PASD1: variants seen among roughly 807,000 people sequenced by gnomAD.
The protein encoded by PASD1 is circadian clock protein PASD1.
Under a neutral mutation model 58.8 loss-of-function variants are expected in PASD1, and 13 were observed. The ratio of observed to expected loss-of-function variants is 0.22; its 90% CI spans 0.14 to 0.35. The LOEUF (loss-of-function observed/expected upper bound fraction) is 0.35, where lower values mean the gene tolerates loss of function less well. Among genes scored for constraint, PASD1 ranks in the 10% least tolerant of loss-of-function variants. PASD1 has a pLI of 1.00. For synonymous variants in PASD1, 236 were observed against 216.7 expected (o/e 1.09, Z -0.78); for missense variants, 734 against 568.3 (o/e 1.29, Z -2.96).
At chrX:151,674,285 A>T (rs1027887622) in intron 15 of PASD1, 99 bp downstream of exon 15, 1 of 1,047,799 alleles carries the variant, frequency 9.5e-7, no homozygotes, top group Admixed American at 2.5e-5. Context: ...GCTGTGTGTG[A>T]GAGCCAGACT....
At chrX:151,593,066 T>TTGACTTCCTTTATCATTATGAAATGTCCC in intron 1 of PASD1, among the ~76,000 whole-genome samples, 1 of 110,862 alleles carries the variant, frequency 9.0e-6, no homozygotes, top group Non-Finnish European at 1.9e-5. Context: ...GTTTTCTTGA[T>TTGACTTCCTTTATCATTATGAAATGTCCC]TGACTTCCTT....
intron 11 of PASD1, among the ~76,000 whole-genome samples, chrX:151,670,378 G>A (rs1001351296): frequency 4.5e-5 from 5 of 111,807 alleles, no homozygotes; most frequent in South Asian, 7.4e-4. Flanking sequence ...TCTCCTCTAC[G>A]TGTGACCTGC....
chrX:151,567,090 AAAT>A (rs1331050749), intron 1 of PASD1, among the ~76,000 whole-genome samples: 38 of 99,621 alleles, frequency 3.8e-4, no homozygotes, highest in African/African-American at 1.4e-3. Flanking sequence ...ATAAATAAAT[AAAT>A]AAAATAAAAT....
At chrX:151,651,840 G>T (rs1390284600) in intron 9 of PASD1, among the ~76,000 whole-genome samples, 2 of 111,786 alleles carry the variant, frequency 1.8e-5, no homozygotes, top group Non-Finnish European at 3.8e-5. Context: ...TGAATAAGTT[G>T]CCCAAAGTCA....
rs1402237103 is a variant in PASD1, at chrX:151,611,705, G to A, written c.159G>A (p.Val53=). ...GFMITLSTDG[V]IICVAENISS... Reference sequence around the variant, plus strand: ...TGATTACACTGAGCACAGATGGAGTGATCATTTGTGTGGCTGAAAACATCT... The same window carrying A: ...TGATTACACTGAGCACAGATGGAGTAATCATTTGTGTGGCTGAAAACATCT... The change falls in exon 4 of 16, where the codon GTG becomes GTA. Residue 53 remains valine (V), a synonymous_variant. Transcript: ENST00000370357. The A allele has an allele frequency of 8.3e-7, 1 of 1,207,441 alleles. No individual in the cohort carries two copies. The highest frequency in any genetic ancestry group is 2.2e-5 in the Admixed American group (1 of 45,624).
chrX:151,612,941 A>G (rs1428301956), intron 4 of PASD1, among the ~76,000 whole-genome samples: 11 of 111,615 alleles, frequency 9.9e-5, no homozygotes, highest in Admixed American at 2.9e-4. Context: ...TAGGGTTTTT[A>G]TGGTTTTAGG....
intron 9 of PASD1, among the ~76,000 whole-genome samples, chrX:151,656,813 A>T (rs974864057): frequency 8.9e-6 from 1 of 111,898 alleles, no homozygotes; most frequent in Non-Finnish European, 1.9e-5. Flanking sequence ...AACAGGGACA[A>T]TTTGACTTCT....
intron 1 of PASD1, among the ~76,000 whole-genome samples, chrX:151,601,261 T>A (rs898853433): frequency 1.8e-5 from 2 of 112,308 alleles, no homozygotes; most frequent in African/African-American, 6.5e-5. Context: ...AACCACAGAA[T>A]GTTTTTGTAA....
chrX:151,595,441 G>A (rs1025750267), intron 1 of PASD1, among the ~76,000 whole-genome samples: 2 of 110,946 alleles, frequency 1.8e-5, no homozygotes, highest in Non-Finnish European at 3.8e-5. Context: ...CTTGCAGGCC[G>A]GGCGCAGTGG....
chrX:151,628,014 T>C (rs1486804021), intron 8 of PASD1, among the ~76,000 whole-genome samples: 2 of 111,996 alleles, frequency 1.8e-5, no homozygotes, highest in Non-Finnish European at 3.8e-5. Flanking sequence ...TTTTGAGAAG[T>C]GTCTGTTCAT....
At chrX:151,620,692 C>A (rs1477692746) in intron 4 of PASD1, among the ~76,000 whole-genome samples, 3 of 110,051 alleles carry the variant, frequency 2.7e-5, no homozygotes, top group Non-Finnish European at 5.7e-5. Context: ...TTTTCCCAGG[C>A]AAATATGGTA....
rs760445769 is a variant in PASD1 at position 151,621,601 on chromosome X, T to A, written c.418+9T>A. 1 of 1,122,800 alleles carries A rather than the reference T, an allele frequency of 8.9e-7. No individual in the cohort carries two copies. The highest frequency in any genetic ancestry group is 1.2e-6 in the Non-Finnish European group (1 of 822,257). 92.5% of individuals were successfully genotyped at this position (1,122,800 alleles called of 1,213,427 possible). Reference sequence around the variant, plus strand: ...AAGAGATATTTGTAATGGTAAGCAGTTCTGTTTATCTTATCTATATGACAT... The same window carrying A: ...AAGAGATATTTGTAATGGTAAGCAGATCTGTTTATCTTATCTATATGACAT... On this transcript the variant is annotated intron_variant, in intron 6 of 15. Transcript: ENST00000370357.
chrX:151,604,589 C>T (rs1167964300), intron 2 of PASD1, 57 bp from the exon 3 acceptor site: 1 of 836,223 alleles, frequency 1.2e-6, no homozygotes, highest in Non-Finnish European at 1.7e-6. Flanking sequence ...ATCTAATACC[C>T]ATAGCTAATC....
intron 11 of PASD1, among the ~76,000 whole-genome samples, chrX:151,670,689 A>G (rs60837597): frequency 0.012 from 1,391 of 111,738 alleles, 20 homozygotes; most frequent in African/African-American, 0.042. Flanking sequence ...CAGGGGCCCT[A>G]TTGGTGGACT....
At position 151,601,586 on chromosome X, in the gene PASD1, G is replaced by T. The variant is rs1410460577; in HGVS notation, c.28+5G>T. 4.4e-5 allele frequency: 53 copies of T among 1,209,199 alleles called. No homozygotes were observed. Among genetic ancestry groups the T allele is most frequent in the Non-Finnish European group, 5.8e-5 (52 of 893,274 alleles). On this transcript the variant is annotated splice_donor_5th_base_variant and intron_variant, in intron 2 of 15. Coordinates refer to ENST00000370357, the MANE Select transcript of PASD1 (RefSeq NM_173493.3). Reference sequence around the variant, plus strand: ...TGAGAGGGGAAAAGAGAAGAGGTATGCATTCATAACTGACTGACATTTCTG... The same window carrying T: ...TGAGAGGGGAAAAGAGAAGAGGTATTCATTCATAACTGACTGACATTTCTG...
chrX:151,628,417 T>A (rs1327691853), intron 8 of PASD1, among the ~76,000 whole-genome samples: 3 of 112,440 alleles, frequency 2.7e-5, no homozygotes, highest in East Asian at 2.8e-4. Context: ...TTCAGCTTTA[T>A]ACATATGTCT....
At position 151,657,468 on chromosome X, in the gene PASD1, G is replaced by A. The variant is rs760765851; in HGVS notation, c.718-2245G>A. 5.4e-5 allele frequency among the ~76,000 whole-genome samples: 6 copies of A among 111,515 alleles called. No homozygotes were observed. In the South Asian group the frequency reaches 1.5e-3, roughly 28 times the overall value. ...CCTCCTTGTACCTCTGGTAGAATTC[G>A]ACTGTGAGTCCGTCTGGTCCCGGAG... On this transcript the variant is annotated intron_variant, in intron 9 of 15. Coordinates refer to ENST00000370357, the MANE Select transcript of PASD1 (RefSeq NM_173493.3).
chrX:151,662,714 TATTTGTA>T (rs1476698314), intron 10 of PASD1, among the ~76,000 whole-genome samples: 3 of 112,471 alleles, frequency 2.7e-5, no homozygotes, highest in Non-Finnish European at 5.6e-5. Context: ...TCTGTCTGCT[TATTTGTA>T]ATTTGTATCT....
chrX:151,642,294 T>TA (rs1303861508), intron 8 of PASD1, among the ~76,000 whole-genome samples: 21 of 112,002 alleles, frequency 1.9e-4, no homozygotes, highest in African/African-American at 6.8e-4. Context: ...AATCCATTCT[T>TA]ACATTGTAAA....
Sources: allele counts gnomAD v4.1 joint callset (sites outside exome capture counted in the v4.1 genomes callset), GRCh38; gene constraint gnomAD v4.1.1; transcripts MANE v1.5; gene names NCBI Gene and HGNC (gene_info 2026-07-23, HGNC 2026-07-21).